Variants in PELI2 observed in about 807,000 individuals in gnomAD.
PELI2 encodes pellino E3 ubiquitin protein ligase family member 2.
A neutral mutation model predicts 42.3 loss-of-function variants in PELI2; 23 were observed. The observed-to-expected ratio is 0.54, with a 90% CI of 0.39 to 0.77. The LOEUF is 0.77. Among genes scored for constraint, PELI2 ranks in the 30% least tolerant of loss-of-function variants. PELI2 has a pLI of 0.00. For synonymous variants in PELI2, 245 were observed against 212.2 expected (o/e 1.15, Z -1.34); for missense variants, 463 against 553.2 (o/e 0.84, Z 1.64).
chr14:56,237,595 C>T (rs1887842997), intron 2 of PELI2, among the ~76,000 whole-genome samples: 1 of 151,660 alleles, frequency 6.6e-6, no homozygotes, highest in Non-Finnish European at 1.5e-5. Flanking sequence ...CTTCCTCTTC[C>T]CTCGGTGTCT....
chr14:56,233,306 A>G (rs149125654), intron 2 of PELI2, among the ~76,000 whole-genome samples: 61,147 of 151,922 alleles, frequency 0.4, 13,002 homozygotes, highest in South Asian at 0.53. Context: ...AGTCAATCCA[A>G]AGCCAAAAGA....
At chr14:56,242,530 A>G (rs1888011093) in intron 2 of PELI2, among the ~76,000 whole-genome samples, 1 of 152,354 alleles carries the variant, frequency 6.6e-6, no homozygotes, top group Admixed American at 6.5e-5. Context: ...AAGTCATTCT[A>G]TGAAAAAGAC....
chr14:56,206,813 C>T (rs1025984350), intron 2 of PELI2, among the ~76,000 whole-genome samples: 13 of 152,054 alleles, frequency 8.5e-5, no homozygotes, highest in African/African-American at 3.1e-4. Flanking sequence ...TGATATGGAA[C>T]TCTGTCAAGT....
chr14:56,141,739 G>T (rs1883913462), intron 1 of PELI2, among the ~76,000 whole-genome samples: 1 of 152,080 alleles, frequency 6.6e-6, no homozygotes. Flanking sequence ...AGAACAGCAT[G>T]GGGGAAACCA....
chr14:56,301,506 G>GA lies in PELI2; in HGVS notation c.*4343dup, dbSNP rs2139922242. ...AAATCCCCTACATTTTTTAATTAAA[G>GA]AAATTTCCTTGGTGCCTATATTACT... On this transcript the variant is annotated 3_prime_UTR_variant, in exon 6 of 6. Transcript: ENST00000267460. The GA allele has an allele frequency of 6.6e-6, 1 of 152,206 alleles. No individual in the cohort carries two copies. The highest frequency in any genetic ancestry group is 6.5e-5 in the Admixed American group (1 of 15,288). 9.4% of individuals were successfully genotyped at this position (152,206 alleles called of 1,614,324 possible). A position where few individuals can be genotyped will look rare whatever the true frequency, so the allele number is the denominator to read the frequency against.
At chr14:56,286,174 G>A (rs1889639124) in intron 3 of PELI2, among the ~76,000 whole-genome samples, 1 of 152,194 alleles carries the variant, frequency 6.6e-6, no homozygotes, top group Admixed American at 6.5e-5. Flanking sequence ...AGTATAAAAG[G>A]AGAAATTGGT....
intron 2 of PELI2, among the ~76,000 whole-genome samples, chr14:56,202,881 G>A (rs905882341): frequency 1.3e-5 from 2 of 151,954 alleles, no homozygotes; most frequent in African/African-American, 4.8e-5. Flanking sequence ...TGTCTATAAC[G>A]AAAGACCAAA....
chr14:56,249,939 T>C (rs1444832123), intron 2 of PELI2, among the ~76,000 whole-genome samples: 2 of 152,222 alleles, frequency 1.3e-5, no homozygotes, highest in Admixed American at 1.3e-4. Flanking sequence ...GTTTGACTTT[T>C]GTGCACAGAC....
intron 2 of PELI2, among the ~76,000 whole-genome samples, chr14:56,222,437 T>G (rs1887172027): frequency 1.3e-5 from 2 of 152,190 alleles, no homozygotes; most frequent in African/African-American, 2.4e-5. Flanking sequence ...GGTAAGAACA[T>G]TAACATCTAC....
At chr14:56,170,497 C>T (rs566689372) in intron 1 of PELI2, among the ~76,000 whole-genome samples, 4 of 152,262 alleles carry the variant, frequency 2.6e-5, no homozygotes, top group African/African-American at 9.6e-5. Context: ...GTGTTGTCTA[C>T]TGGAAAGAGT....
rs775645162 is a variant in PELI2, at chr14:56,147,437, G to T, written c.77+28700G>T. On this transcript the variant is annotated intron_variant, in intron 1 of 5. Transcript: ENST00000267460. ...TGGGGAACAGCAGCACATGTACATG[G>T]GGAAGAGGGAATGAGAAGATATGAA... Among the ~76,000 whole-genome samples the T allele has an allele frequency of 5.9e-5, 9 of 152,276 alleles. No individual in the cohort carries two copies. The East Asian group carries it at 1.7e-3, about 29-fold the overall frequency.
chr14:56,190,123 A>G (rs1236845667), intron 2 of PELI2, among the ~76,000 whole-genome samples: 1 of 152,240 alleles, frequency 6.6e-6, no homozygotes, highest in Non-Finnish European at 1.5e-5. Context: ...ATATTTAAAA[A>G]AAATCTCTTC....
chr14:56,294,941 A>G (rs1889951343), intron 5 of PELI2, among the ~76,000 whole-genome samples: 1 of 152,210 alleles, frequency 6.6e-6, no homozygotes, highest in Non-Finnish European at 1.5e-5. Flanking sequence ...ACTCAAGACC[A>G]CAGAGCTACT....
intron 2 of PELI2, among the ~76,000 whole-genome samples, chr14:56,221,768 G>A (rs975291): frequency 0.4 from 60,833 of 152,136 alleles, 13,024 homozygotes; most frequent in South Asian, 0.53. Flanking sequence ...TAAATGTTCA[G>A]ATTTTATTTT....
intron 2 of PELI2, among the ~76,000 whole-genome samples, chr14:56,212,585 A>G (rs1022274927): frequency 1.3e-5 from 2 of 152,162 alleles, no homozygotes; most frequent in Admixed American, 6.5e-5. Flanking sequence ...AAGCTCCTCA[A>G]TGCTGTCTTA....
intron 1 of PELI2, among the ~76,000 whole-genome samples, chr14:56,137,050 C>T (rs1451089778): frequency 6.6e-6 from 1 of 152,194 alleles, no homozygotes; most frequent in Admixed American, 6.5e-5. Context: ...TTGGGTGTTA[C>T]TGAAACAAAA....
At chr14:56,259,947 CATT>C (rs1403250175) in intron 2 of PELI2, among the ~76,000 whole-genome samples, 1 of 151,994 alleles carries the variant, frequency 6.6e-6, no homozygotes, top group Non-Finnish European at 1.5e-5. Context: ...AACTGCAAAA[CATT>C]GTTGAGATAA....
chr14:56,181,038 A>G (rs1459400599), intron 2 of PELI2, among the ~76,000 whole-genome samples: 2 of 152,094 alleles, frequency 1.3e-5, no homozygotes, highest in African/African-American at 2.4e-5. Flanking sequence ...CGTAGCATCT[A>G]TAGCTTGTAG....
intron 1 of PELI2, among the ~76,000 whole-genome samples, chr14:56,166,051 C>T (rs1884949197): frequency 6.6e-6 from 1 of 152,110 alleles, no homozygotes; most frequent in Admixed American, 6.6e-5. Flanking sequence ...ATGGTCTTCT[C>T]TTCCTTCTTT....
Sources: allele counts gnomAD v4.1 joint callset (sites outside exome capture counted in the v4.1 genomes callset), GRCh38; gene constraint gnomAD v4.1.1; transcripts MANE v1.5; gene names NCBI Gene and HGNC (gene_info 2026-07-23, HGNC 2026-07-21).